Variants in NCOA5 observed in about 807,000 individuals in gnomAD.
NCOA5 encodes the protein NCoA-5.
NCOA5 carries 12 observed loss-of-function variants against 59.0 expected under a neutral mutation model. That is an observed-to-expected ratio of 0.20 (90% CI 0.13 to 0.33). The LOEUF is 0.33. NCOA5 is among the 10% of genes least tolerant of loss of function. The pLI is 1.00. For synonymous variants in NCOA5, 270 were observed against 275.5 expected (o/e 0.98, Z 0.20); for missense variants, 655 against 766.6 (o/e 0.85, Z 1.72).
intron 3 of NCOA5, among the ~76,000 whole-genome samples, chr20:46,069,949 T>C (rs984822782): frequency 2.0e-5 from 3 of 152,200 alleles, no homozygotes; most frequent in Non-Finnish European, 2.9e-5. Context: ...ATAGTGGCTA[T>C]ACCAATTTGC....
chr20:46,085,997 TA>T (rs1269869159), intron 1 of NCOA5, among the ~76,000 whole-genome samples: 1 of 152,202 alleles, frequency 6.6e-6, no homozygotes, highest in Non-Finnish European at 1.5e-5. Flanking sequence ...TTACTTTCAA[TA>T]AAGGGCTCCC....
At position 46,065,057 on chromosome 20, in the gene NCOA5, T is replaced by C; in HGVS notation, c.801A>G (p.Thr267=). The C allele has an allele frequency of 6.2e-7, 1 of 1,614,208 alleles. No individual in the cohort carries two copies. The highest frequency in any genetic ancestry group is 1.1e-5 in the South Asian group (1 of 91,090). The change falls in exon 6 of 8, where the codon ACA becomes ACG. Residue 267 remains threonine (T), a synonymous_variant. Transcript: ENST00000290231. ...TQQHQIHRSC[T]VNIMFGTPQE... ...GCGGGGTTCCAAACATGATGTTGACTGTGCAGGAGCGGTGAATCTGGTGTT... is the reference window on the plus strand; with the variant it reads ...GCGGGGTTCCAAACATGATGTTGACCGTGCAGGAGCGGTGAATCTGGTGTT...
At chr20:46,068,156 A>T (rs1157188147) in intron 4 of NCOA5, among the ~76,000 whole-genome samples, 1 of 151,580 alleles carries the variant, frequency 6.6e-6, no homozygotes, top group African/African-American at 2.4e-5. Flanking sequence ...CTGGTCTTGA[A>T]CTCCTGGGCT....
At chr20:46,082,607 G>A (rs1435605233) in intron 1 of NCOA5, among the ~76,000 whole-genome samples, 1 of 152,166 alleles carries the variant, frequency 6.6e-6, no homozygotes, top group Admixed American at 6.5e-5. Context: ...TTCAGTTTGG[G>A]TGATACTTCT....
intron 6 of NCOA5, 61 bp from the exon 7 acceptor site, chr20:46,063,741 G>A: frequency 2.0e-6 from 3 of 1,499,126 alleles, no homozygotes; most frequent in East Asian, 2.3e-5. Flanking sequence ...CCCACCTGCT[G>A]CACTCTGTCA....
At chr20:46,063,871 T>C (rs1216568372) in intron 6 of NCOA5, among the ~76,000 whole-genome samples, 191 bp from the exon 7 acceptor site, 1 of 152,128 alleles carries the variant, frequency 6.6e-6, no homozygotes, top group Non-Finnish European at 1.5e-5. Flanking sequence ...ACGAACACTT[T>C]TGGTGAGGAG....
intron 2 of NCOA5, among the ~76,000 whole-genome samples, chr20:46,078,171 C>A (rs1374995480): frequency 6.8e-6 from 1 of 147,638 alleles, no homozygotes; most frequent in Non-Finnish European, 1.5e-5. Flanking sequence ...CTGAATGAAA[C>A]CAGCAGCATT....
chr20:46,067,162 T>C lies in NCOA5; in HGVS notation c.522A>G (p.Glu174=). 6.2e-7 allele frequency: 1 copy of C among 1,613,572 alleles called. No homozygotes were observed. The highest frequency in any genetic ancestry group is 8.5e-7 in the Non-Finnish European group (1 of 1,179,868). Residue 174 remains glutamate, a synonymous_variant, in exon 5 of 8, where the codon GAA becomes GAG. Transcript: ENST00000290231. ...GACGATAAAGCTCTTCTCTACGCCG[T>C]TCCTCACGTTTCAAACGCTCTGCAA... ...SRAKERLKRE[E]RRREELYRQY... is the part of the protein sequence containing the mutation.
chr20:46,070,807 G>A (rs909087844), intron 2 of NCOA5, among the ~76,000 whole-genome samples: 1 of 152,130 alleles, frequency 6.6e-6, no homozygotes, highest in African/African-American at 2.4e-5. Context: ...GGCTTTCAAA[G>A]TGAAAGTGTC....
intron 1 of NCOA5, among the ~76,000 whole-genome samples, chr20:46,081,157 TACATA>T (rs746563371): frequency 2.6e-5 from 4 of 152,208 alleles, no homozygotes; most frequent in East Asian, 3.9e-4. Context: ...ATAAAAAATA[TACATA>T]ACATAACTTC....
chr20:46,069,085 T>A (rs1047221570), intron 3 of NCOA5, among the ~76,000 whole-genome samples: 1 of 152,138 alleles, frequency 6.6e-6, no homozygotes, highest in African/African-American at 2.4e-5. Context: ...GTGCTGGGAT[T>A]ACAGGCGTGA....
chr20:46,083,792 T>C (rs530876719), intron 1 of NCOA5, among the ~76,000 whole-genome samples: 4 of 152,242 alleles, frequency 2.6e-5, no homozygotes, highest in Admixed American at 2.0e-4. Context: ...TCCCCCAAAT[T>C]GGGAGGGGAA....
chr20:46,082,595 A>T (rs1335900640), intron 1 of NCOA5, among the ~76,000 whole-genome samples: 2 of 152,202 alleles, frequency 1.3e-5, no homozygotes, highest in Non-Finnish European at 2.9e-5. Flanking sequence ...TGTCTTCTCC[A>T]CTTCAGTTTG....
chr20:46,078,379 G>A (rs2084959974), intron 2 of NCOA5, among the ~76,000 whole-genome samples: 1 of 152,186 alleles, frequency 6.6e-6, no homozygotes, highest in Non-Finnish European at 1.5e-5. Flanking sequence ...CAGTTAGTTG[G>A]GTTCACAAGG....
At position 46,070,298 on chromosome 20, in the gene NCOA5, G is replaced by C. The variant is rs764755956; in HGVS notation, c.277C>G (p.Leu93Val). 6.2e-7 allele frequency: 1 copy of C among 1,613,880 alleles called. No individual in the cohort carries two copies. Among genetic ancestry groups the C allele is most frequent in the South Asian group, 1.1e-5 (1 of 91,066 alleles). Residue 93 changes from leucine (L) to valine (V), a missense_variant, in exon 3 of 8, where the codon CTA (leucine) becomes GTA (valine). This residue lies in a region of NCOA5 where 250 missense variants were observed against 260.1 expected (regional missense o/e 0.96). Coordinates refer to ENST00000290231, the MANE Select transcript of NCOA5 (RefSeq NM_020967.3). ...TCTCGAAAATCCCTAGAGTCTCTTAGATCACGAAAGTCTCTAAGATCCCTC... is the reference window on the plus strand; with the variant it reads ...TCTCGAAAATCCCTAGAGTCTCTTACATCACGAAAGTCTCTAAGATCCCTC... ...DVRDLRDFRDLRDSRDFRDQR... is the reference protein window; with the variant it reads ...DVRDLRDFRDVRDSRDFRDQR...
chr20:46,084,403 G>C (rs2145554425), intron 1 of NCOA5, among the ~76,000 whole-genome samples: 1 of 152,250 alleles, frequency 6.6e-6, no homozygotes, highest in East Asian at 1.9e-4. Flanking sequence ...CCTGGAAAAG[G>C]TCCAGTCTAT....
intron 2 of NCOA5, among the ~76,000 whole-genome samples, chr20:46,073,320 A>T (rs2084904440): frequency 6.6e-6 from 1 of 152,230 alleles, no homozygotes; most frequent in African/African-American, 2.4e-5. Context: ...ATATATTCTA[A>T]GGTTCACCAG....
At position 46,088,204 on chromosome 20, in the gene NCOA5, T is replaced by C. The variant is rs186416728; in HGVS notation, c.-30+1613A>G. On this transcript the variant is annotated intron_variant, in intron 1 of 7. Coordinates refer to ENST00000290231, the MANE Select transcript of NCOA5 (RefSeq NM_020967.3). ...TTGTGGTGTTCACAGGTATGCAACA[T>C]TGAGCAAACTGAATCTAGAAAAACT... Among the ~76,000 whole-genome samples, 463 of 152,302 alleles carry C rather than the reference T, an allele frequency of 3.0e-3. 1 individual carries two copies. Among genetic ancestry groups the C allele is most frequent in the African/African-American group, 0.011 (450 of 41,556 alleles).
Position 46,068,622 on chromosome 20 carries a change from C to A in NCOA5, c.382G>T (p.Asp128Tyr). Residue 128 changes from aspartate (D) to tyrosine (Y), a missense_variant, in exon 4 of 8, where the codon GAC (aspartate) becomes TAC (tyrosine). Around this residue, in one of 3 missense-constraint regions of NCOA5, gnomAD observed 250 missense variants for 260.1 expected, o/e 0.96. Coordinates refer to ENST00000290231, the MANE Select transcript of NCOA5 (RefSeq NM_020967.3). ...DPMYRREGSY[D>Y]RYLRMDDYCR... is the part of the protein sequence containing the mutation. Reference sequence around the variant, plus strand: ...TAGTCATCCATTCGTAGGTATCGGTCATAAGAGCCTTCTCTCCTGAAAAGT... The same window carrying A: ...TAGTCATCCATTCGTAGGTATCGGTAATAAGAGCCTTCTCTCCTGAAAAGT... The A allele has an allele frequency of 1.2e-6, 2 of 1,611,074 alleles. No individual in the cohort carries two copies. The highest frequency in any genetic ancestry group is 2.2e-5 in the South Asian group (2 of 90,198).
Sources: allele counts gnomAD v4.1 joint callset (sites outside exome capture counted in the v4.1 genomes callset), GRCh38; gene constraint gnomAD v4.1.1; regional missense constraint gnomAD v4.1.1; transcripts MANE v1.5; gene names NCBI Gene and HGNC (gene_info 2026-07-23, HGNC 2026-07-21).